PCTP: variants seen among roughly 807,000 people sequenced by gnomAD.
PCTP encodes the protein START domain-containing protein 2.
PCTP carries 27 observed loss-of-function variants against 31.0 expected under a neutral mutation model. That is an observed-to-expected ratio of 0.87 (90% CI 0.64 to 1.20). The LOEUF (loss-of-function observed/expected upper bound fraction) is 1.20. PCTP is among the 50% of genes most tolerant of loss of function. PCTP has a pLI of 0.00. For synonymous variants in PCTP, 108 were observed against 101.2 expected (o/e 1.07, Z -0.40); for missense variants, 287 against 268.2 (o/e 1.07, Z -0.49).
intron 5 of PCTP, among the ~76,000 whole-genome samples, chr17:55,842,050 A>G (rs981494447): frequency 1.3e-5 from 2 of 152,226 alleles, no homozygotes; most frequent in African/African-American, 4.8e-5. Context: ...ATTATGCACA[A>G]GGTACTCTCA....
chr17:55,813,396 C>T lies in PCTP; in HGVS notation c.318-9365C>T, dbSNP rs140778266. Among the ~76,000 whole-genome samples, 791 of 152,222 alleles carry T rather than the reference C, an allele frequency of 5.2e-3. 4 individuals carry two copies. Among genetic ancestry groups the T allele is most frequent in the African/African-American group, 0.018 (766 of 41,536 alleles). ...AAGTGATTCTCCTGCTTCAGCCTCC[C>T]GAGTAGTTGGGATTACAGGTGTGCA... On this transcript the variant is annotated intron_variant, in intron 3 of 3. Coordinates refer to the PCTP transcript ENST00000572536.
At chr17:55,767,200 C>A in intron 1 of PCTP, 135 bp from the exon 2 acceptor site, 1 of 443,750 alleles carries the variant, frequency 2.3e-6, no homozygotes, top group Non-Finnish European at 4.1e-6. Flanking sequence ...AATTTTCTCC[C>A]ATTTTGTAGG....
intron 1 of PCTP, 77 bp downstream of exon 1, chr17:55,751,321 G>A: frequency 6.6e-7 from 1 of 1,514,742 alleles, no homozygotes. Context: ...GTGCGGGGCG[G>A]CAGTCGCGGA....
Position 55,776,796 on chromosome 17 carries a change from C to T in PCTP, c.*696C>T, listed in dbSNP as rs1911354123. The T allele has an allele frequency of 1.1e-5, 12 of 1,063,366 alleles. No homozygotes were observed. The highest frequency in any genetic ancestry group is 5.4e-5 in the Admixed American group (1 of 18,480). 65.9% of individuals were successfully genotyped at this position (1,063,366 alleles called of 1,614,324 possible). A position where few individuals can be genotyped will look rare whatever the true frequency, so the allele number is the denominator to read the frequency against. The stretch of plus-strand genomic sequence containing the variant: ...CACATAATATGACAACCACATTTTT[C>T]CTCATCATCCATGAGGAAATGGATG... On this transcript the variant is annotated 3_prime_UTR_variant, in exon 6 of 6. Transcript: ENST00000268896.
downstream of PCTP, among the ~76,000 whole-genome samples, chr17:55,780,226 C>T (rs1222144870): frequency 1.3e-5 from 2 of 151,868 alleles, no homozygotes; most frequent in Non-Finnish European, 2.9e-5. Context: ...ATGTGTATGT[C>T]CATGTGTGTC....
At chr17:55,820,372 C>T (rs1021604288) in intron 3 of PCTP, among the ~76,000 whole-genome samples, 3 of 152,118 alleles carry the variant, frequency 2.0e-5, no homozygotes, top group African/African-American at 7.2e-5. Context: ...CTGGGACATT[C>T]AATATCAAGG....
chr17:55,838,510 A>G (rs1905849860), intron 5 of PCTP, among the ~76,000 whole-genome samples: 1 of 152,080 alleles, frequency 6.6e-6, no homozygotes, highest in Admixed American at 6.5e-5. Context: ...TGCAGTTGCA[A>G]TTTTGCATTT....
intron 3 of PCTP, among the ~76,000 whole-genome samples, chr17:55,790,670 G>T (rs955160714): frequency 6.6e-6 from 1 of 151,732 alleles, no homozygotes; most frequent in South Asian, 2.1e-4. Context: ...CAAACAAATG[G>T]AAGAACATTC....
In PCTP at chr17:55,816,915, T is replaced by C. The variant is rs553318170; in HGVS notation, c.318-5846T>C. On this transcript the variant is annotated intron_variant, in intron 3 of 3. Coordinates refer to the PCTP transcript ENST00000572536. ...TGGGGTAAAGATCATATGCAACCAA[T>C]GACTGAGAGATAATTGGCCACTTTA... 3.9e-5 allele frequency among the ~76,000 whole-genome samples: 6 copies of C among 152,332 alleles called. No individual in the cohort carries two copies. In the East Asian group the frequency reaches 1.2e-3, roughly 29 times the overall value.
intron 5 of PCTP, among the ~76,000 whole-genome samples, chr17:55,836,858 A>T (rs1020008034): frequency 6.6e-6 from 1 of 152,220 alleles, no homozygotes; most frequent in African/African-American, 2.4e-5. Flanking sequence ...TATACAAATA[A>T]TTCTATATTT....
intron 3 of PCTP, among the ~76,000 whole-genome samples, chr17:55,820,268 AT>A (rs887451983): frequency 6.6e-6 from 1 of 152,248 alleles, no homozygotes; most frequent in African/African-American, 2.4e-5. Flanking sequence ...CAAATCATAT[AT>A]CTGATAAGGG....
chr17:55,756,334 C>T (rs1005249466), intron 1 of PCTP, among the ~76,000 whole-genome samples: 7 of 152,130 alleles, frequency 4.6e-5, no homozygotes, highest in South Asian at 2.1e-4. Flanking sequence ...GAAAATAAAG[C>T]GAGATAAAAG....
rs529630537 is a variant in PCTP, at chr17:55,833,832, A to G, written n.506-8895A>G. Among the ~76,000 whole-genome samples, 17 of 152,304 alleles carry G rather than the reference A, an allele frequency of 1.1e-4. No homozygotes were observed. In the East Asian group the frequency reaches 3.1e-3, roughly 28 times the overall value. Reference sequence around the variant, plus strand: ...CCTTTTTTTGCCGTTCCTTAGTTTCATATCCTTGGATTAAGACTTCTAGCT... The same window carrying G: ...CCTTTTTTTGCCGTTCCTTAGTTTCGTATCCTTGGATTAAGACTTCTAGCT... On this transcript the variant is annotated intron_variant and non_coding_transcript_variant, in intron 5 of 5. Transcript: ENST00000576221.
chr17:55,781,427 A>G (rs528725155), downstream of PCTP, among the ~76,000 whole-genome samples: 1 of 152,356 alleles, frequency 6.6e-6, no homozygotes, highest in East Asian at 1.9e-4. Flanking sequence ...ATGGTGCTGA[A>G]TAAATGAAAT....
intron 1 of PCTP, among the ~76,000 whole-genome samples, chr17:55,758,049 C>T (rs993602766): frequency 6.6e-6 from 1 of 152,158 alleles, no homozygotes; most frequent in Non-Finnish European, 1.5e-5. Context: ...GCAAGTCAGG[C>T]CCTTGCAGGA....
At chr17:55,845,747 G>T (rs1333863064), downstream of PCTP, among the ~76,000 whole-genome samples, 1 of 152,020 alleles carries the variant, frequency 6.6e-6, no homozygotes, top group African/African-American at 2.4e-5. Flanking sequence ...GGCGTGTGAG[G>T]GCCGAGCCCC....
chr17:55,774,878 G>T lies in PCTP; in HGVS notation c.579+19G>T. 1 of 696,812 alleles carries T rather than the reference G, an allele frequency of 1.4e-6. No individual in the cohort carries two copies. Among genetic ancestry groups the T allele is most frequent in the South Asian group, 1.4e-5 (1 of 72,790 alleles). 43.2% of individuals were successfully genotyped at this position (696,812 alleles called of 1,614,324 possible). A position where few individuals can be genotyped will look rare whatever the true frequency, so the allele number is the denominator to read the frequency against. On this transcript the variant is annotated intron_variant, in intron 5 of 5. Transcript: ENST00000268896. ...CGCCAAGGTGAGATCCCAGGAGGTG[G>T]GGCGGGGGGAGGGATGGGGGAGTGT...
At chr17:55,839,748 G>GTCTCTACT (rs1905900075) in intron 5 of PCTP, among the ~76,000 whole-genome samples, 2 of 150,560 alleles carry the variant, frequency 1.3e-5, no homozygotes, top group South Asian at 4.2e-4. Flanking sequence ...GTGAAACCCC[G>GTCTCTACT]TCTCTACTAA....
intron 3 of PCTP, among the ~76,000 whole-genome samples, chr17:55,797,749 A>G (rs377238862): frequency 1.8e-4 from 27 of 152,062 alleles, no homozygotes; most frequent in Non-Finnish European, 3.7e-4. Flanking sequence ...CCTGAGAGAA[A>G]CAAAACTGAG....
Sources: gnomAD v4.1 joint callset for allele counts (sites outside exome capture counted in the v4.1 genomes callset) on GRCh38, gnomAD v4.1.1 for gene constraint, MANE v1.5 for transcripts, NCBI Gene and HGNC (gene_info 2026-07-23, HGNC 2026-07-21) for gene names.